Variants in ANAPC5 observed in about 807,000 individuals in gnomAD.
ANAPC5 encodes the protein anaphase promoting complex subunit 5.
In ANAPC5, 60 loss-of-function variants were observed where a neutral mutation model predicts 91.3. The ratio of observed to expected loss-of-function variants is 0.66; its 90% CI spans 0.53 to 0.81. ANAPC5 has a LOEUF of 0.81. Ranked by LOEUF, ANAPC5 falls within the 40% of genes least tolerant of loss-of-function variation. The probability of loss-of-function intolerance (pLI) is 0.00; values close to 1 mark genes in which losing one functional copy is unlikely to be tolerated. For synonymous variants in ANAPC5, 340 were observed against 364.1 expected (o/e 0.93, Z 0.75); for missense variants, 690 against 931.5 (o/e 0.74, Z 3.37).
upstream of ANAPC5, chr12:121,352,493 C>A (rs1178676597): frequency 3.1e-6 from 2 of 640,720 alleles, no homozygotes; most frequent in Admixed American, 3.0e-5. Flanking sequence ...CCAATCAGAG[C>A]AGTCTGTCAG....
rs757324506 is a variant in ANAPC5 at position 121,319,738 on chromosome 12, A to C, written c.1596T>G (p.Val532=). ...DGKYHLADSL[V]TGITALNSIE... ...TGCTATTGAGAGCTGTGATTCCTGT[A>C]ACAAGTGAATCAGCCAAATGATATT... is the stretch of plus-strand genomic sequence containing the variant. The change falls in exon 13 of 17, where the codon GTT becomes GTG. Residue 532 remains valine (V), a synonymous_variant. Coordinates refer to ENST00000261819, the MANE Select transcript of ANAPC5 (RefSeq NM_016237.5). 3.1e-6 allele frequency: 5 copies of C among 1,612,888 alleles called. No individual in the cohort carries two copies. In the Admixed American group the frequency reaches 8.3e-5, roughly 27 times the overall value.
At chr12:121,341,033 C>G (rs986981709) in intron 5 of ANAPC5, among the ~76,000 whole-genome samples, 7 of 151,700 alleles carry the variant, frequency 4.6e-5, no homozygotes, top group Non-Finnish European at 7.4e-5. Context: ...GAAAAGCATC[C>G]ATAAGAAATG....
At chr12:121,350,095 C>T (rs1903825680) in intron 1 of ANAPC5, among the ~76,000 whole-genome samples, 1 of 152,082 alleles carries the variant, frequency 6.6e-6, no homozygotes, top group South Asian at 2.1e-4. Context: ...CCCTGGGAGC[C>T]ACAAGTTATA....
intron 1 of ANAPC5, chr12:121,350,969 A>C (rs1903866391): frequency 2.8e-6 from 1 of 362,152 alleles, no homozygotes. Flanking sequence ...CATTTACTAC[A>C]TGCTAGTAAC....
At chr12:121,346,206 A>G in intron 3 of ANAPC5, 175 bp from the exon 4 acceptor site, 1 of 561,980 alleles carries the variant, frequency 1.8e-6, no homozygotes, top group Non-Finnish European at 3.1e-6. Flanking sequence ...GTCCTTTACA[A>G]AGCTGGTTTC....
At chr12:121,320,552 C>T (rs966607117) in intron 11 of ANAPC5, 93 bp from the exon 12 acceptor site, 13 of 1,018,572 alleles carry the variant, frequency 1.3e-5, no homozygotes, top group Middle Eastern at 2.2e-4. Flanking sequence ...CACCTGTTCC[C>T]GTTCTTGATG....
chr12:121,321,343 C>CT (rs71079053), intron 11 of ANAPC5, among the ~76,000 whole-genome samples: 7,838 of 100,636 alleles, frequency 0.078, 558 homozygotes, highest in African/African-American at 0.13. Flanking sequence ...AAACAAATTA[C>CT]TTTTTTTTTT....
chr12:121,343,924 G>A (rs1202998057), intron 4 of ANAPC5, among the ~76,000 whole-genome samples: 2 of 152,180 alleles, frequency 1.3e-5, no homozygotes, highest in East Asian at 3.8e-4. Context: ...CAGGGAATAT[G>A]AAATACATAC....
chr12:121,333,249 G>A (rs1456455344), intron 7 of ANAPC5: 1 of 152,152 alleles, frequency 6.6e-6, no homozygotes, highest in Admixed American at 6.6e-5. Flanking sequence ...GAACCCAGGT[G>A]GCGAGATGGC....
At chr12:121,336,706 T>C (rs1903251111) in intron 6 of ANAPC5, among the ~76,000 whole-genome samples, 1 of 151,986 alleles carries the variant, frequency 6.6e-6, no homozygotes. Context: ...AACACTGTTT[T>C]TTGCATCAGT....
At chr12:121,331,660 T>C (rs1214616227) in intron 7 of ANAPC5, 2 of 331,446 alleles carry the variant, frequency 6.0e-6, no homozygotes, top group Non-Finnish European at 1.1e-5. Context: ...GAAAAGGGCA[T>C]AAAGCAAAGG....
Position 121,345,967 on chromosome 12 carries a change from C to T in ANAPC5, c.462G>A (p.Leu154=). Residue 154 remains leucine (L), a synonymous_variant, in exon 4 of 17, where the codon CTG becomes CTA. Transcript: ENST00000261819. Reference sequence around the variant, plus strand: ...GGAAGTACTGCTGAAGGGCAGTGTACAGTTTAAACACTTGGCTGAAAGAAA... The same window carrying T: ...GGAAGTACTGCTGAAGGGCAGTGTATAGTTTAAACACTTGGCTGAAAGAAA... ...SKLSFSQVFK[L]YTALQQYFQN... is the part of the protein sequence containing the mutation. 6.2e-7 allele frequency: 1 copy of T among 1,613,408 alleles called. No homozygotes were observed. The highest frequency in any genetic ancestry group is 8.5e-7 in the Non-Finnish European group (1 of 1,179,828).
upstream of ANAPC5, among the ~76,000 whole-genome samples, chr12:121,354,161 G>T (rs1015260084): frequency 6.6e-6 from 1 of 151,816 alleles, no homozygotes; most frequent in African/African-American, 2.4e-5. Context: ...GCTAATTTTT[G>T]TATTGTTTGT....
At chr12:121,340,029 A>G (rs1446637044) in intron 5 of ANAPC5, among the ~76,000 whole-genome samples, 8 of 151,024 alleles carry the variant, frequency 5.3e-5, no homozygotes, top group African/African-American at 1.9e-4. Context: ...TATGTTAGAA[A>G]GCTCTGGCCA....
intron 8 of ANAPC5, chr12:121,330,939 A>G: frequency 2.3e-6 from 1 of 436,200 alleles, no homozygotes; most frequent in Non-Finnish European, 4.2e-6. Context: ...AAGCTCCCAT[A>G]TGGCCTTCAA....
chr12:121,334,584 C>G (rs1184543992), intron 7 of ANAPC5: 1 of 152,160 alleles, frequency 6.6e-6, no homozygotes, highest in Admixed American at 6.5e-5. Context: ...GTTGTTTTAT[C>G]TACTTAATTC....
intron 15 of ANAPC5, among the ~76,000 whole-genome samples, chr12:121,310,951 A>AC (rs1902143737): frequency 6.6e-6 from 1 of 151,520 alleles, no homozygotes; most frequent in Non-Finnish European, 1.5e-5. Flanking sequence ...AAAAAAAAAA[A>AC]AATCAAATTA....
chr12:121,312,753 G>A (rs1373732151), intron 15 of ANAPC5, among the ~76,000 whole-genome samples: 4 of 149,578 alleles, frequency 2.7e-5, no homozygotes, highest in African/African-American at 5.0e-5. Flanking sequence ...GGTGGTGCAC[G>A]TCTGTAATCC....
chr12:121,321,749 G>A (rs540270440), intron 11 of ANAPC5, among the ~76,000 whole-genome samples: 156 of 152,096 alleles, frequency 1.0e-3, no homozygotes, highest in Admixed American at 3.1e-3. Flanking sequence ...TGTTGGCCAG[G>A]CTGGTCTCAA....
Sources: gnomAD v4.1 joint callset for allele counts (sites outside exome capture counted in the v4.1 genomes callset) on GRCh38, gnomAD v4.1.1 for gene constraint, MANE v1.5 for transcripts, NCBI Gene and HGNC (gene_info 2026-07-23, HGNC 2026-07-21) for gene names.